Variants in MGAT4D observed in about 807,000 individuals in gnomAD.
The protein encoded by MGAT4D is MGAT4 family member D, also known as alpha-1,3-mannosyl-glycoprotein 4-beta-N-acetylglucosaminyltransferase-like protein MGAT4D.
MGAT4D carries 34 observed loss-of-function variants against 15.9 expected under a neutral mutation model. That is an observed-to-expected ratio of 2.14 (90% confidence interval 1.62 to 2.84). The LOEUF is 2.84. Among genes scored for constraint, MGAT4D ranks in the 30% most tolerant of loss-of-function variants. The pLI is 0.00. For missense variants in MGAT4D, 327 were observed against 140.2 expected (o/e 2.33, Z -6.73); for synonymous variants, 112 against 48.2 (o/e 2.33, Z -5.49).
In MGAT4D at chr4:140,474,912, T is replaced by C. The variant is rs1356548403; in HGVS notation, c.426A>G (p.Arg142=). ...TCTGTTTCAGGTAACTATAATTTCC[T>C]CTGTTAACAGTGGAAATACCCAGCG... ...SFALGISTVN[R]GNYSYLKQTL... is the part of the protein sequence containing the mutation. The change falls in exon 4 of 11, where the codon AGA becomes AGG. Residue 142 remains arginine (R), a synonymous_variant. Transcript: ENST00000511113. The C allele has an allele frequency of 1.4e-6, 1 of 697,938 alleles. No individual in the cohort carries two copies. The highest frequency in any genetic ancestry group is 1.5e-5 in the South Asian group (1 of 66,412). The allele number at this position is 697,938 out of a possible 1,614,324, so 43.2% of individuals were successfully genotyped here.
At chr4:140,493,012 T>C (rs1056978438) in intron 1 of MGAT4D, among the ~76,000 whole-genome samples, 1 of 152,208 alleles carries the variant, frequency 6.6e-6, no homozygotes, top group African/African-American at 2.4e-5. Flanking sequence ...CATCTTTAAG[T>C]GAATTGGGTA....
At chr4:140,462,814 T>C (rs898681861) in intron 6 of MGAT4D, 4 of 152,136 alleles carry the variant, frequency 2.6e-5, no homozygotes, top group Admixed American at 6.6e-5. Context: ...AGCAAAAAAA[T>C]GGCGGATAGG....
At chr4:140,464,414 G>T (rs1157708709) in intron 6 of MGAT4D, among the ~76,000 whole-genome samples, 3 of 151,860 alleles carry the variant, frequency 2.0e-5, no homozygotes, top group African/African-American at 7.3e-5. Flanking sequence ...TGCAATATAG[G>T]TGTCATTATA....
At chr4:140,458,475 C>T (rs770261469) in intron 8 of MGAT4D, 1 of 152,126 alleles carries the variant, frequency 6.6e-6, no homozygotes, top group Non-Finnish European at 1.5e-5. Flanking sequence ...TTGGATGTGA[C>T]TATAAGACAG....
At chr4:140,472,914 G>T (rs1276479151) in intron 4 of MGAT4D, among the ~76,000 whole-genome samples, 1 of 151,976 alleles carries the variant, frequency 6.6e-6, no homozygotes, top group Non-Finnish European at 1.5e-5. Flanking sequence ...TTTTCTAATA[G>T]TTCTTCTATT....
At chr4:140,451,627 A>G in intron 9 of MGAT4D, 110 bp from the exon 10 acceptor site, 1 of 390,442 alleles carries the variant, frequency 2.6e-6, no homozygotes, top group East Asian at 3.7e-5. Flanking sequence ...TTCTATTTTC[A>G]TATTTAAAAA....
At chr4:140,453,349 A>G (rs1730592032) in intron 9 of MGAT4D, among the ~76,000 whole-genome samples, 1 of 152,116 alleles carries the variant, frequency 6.6e-6, no homozygotes, top group Admixed American at 6.6e-5. Flanking sequence ...TTAGGGTAAC[A>G]TTCATACCTT....
At chr4:140,464,831 C>A in intron 6 of MGAT4D, 65 bp downstream of exon 6, 1 of 690,578 alleles carries the variant, frequency 1.4e-6, no homozygotes. Flanking sequence ...CTAATATGAG[C>A]TGATTCCAAG....
chr4:140,445,753 C>A (rs1294658620), intron 10 of MGAT4D, among the ~76,000 whole-genome samples: 1 of 152,184 alleles, frequency 6.6e-6, no homozygotes, highest in Non-Finnish European at 1.5e-5. Flanking sequence ...ACGCGGCCAG[C>A]CAGTTATCCC....
At chr4:140,459,649 A>T (rs1731036308) in intron 7 of MGAT4D, 23 bp from the exon 8 acceptor site, 1 of 427,918 alleles carries the variant, frequency 2.3e-6, no homozygotes, top group Non-Finnish European at 4.2e-6. Flanking sequence ...ACCCAAAAAG[A>T]CATTAATATC....
At chr4:140,484,657 C>G (rs1474514559) in intron 1 of MGAT4D, among the ~76,000 whole-genome samples, 1 of 152,102 alleles carries the variant, frequency 6.6e-6, no homozygotes, top group Non-Finnish European at 1.5e-5. Context: ...ACTCATCTGA[C>G]AAAGGGCTAA....
intron 1 of MGAT4D, among the ~76,000 whole-genome samples, chr4:140,488,413 C>A (rs898016562): frequency 6.6e-6 from 1 of 152,200 alleles, no homozygotes; most frequent in African/African-American, 2.4e-5. Flanking sequence ...GACAATCAGA[C>A]TGCAAGGAAT....
intron 3 of MGAT4D, among the ~76,000 whole-genome samples, chr4:140,478,118 G>C (rs1732459156): frequency 6.6e-6 from 1 of 152,100 alleles, no homozygotes; most frequent in Non-Finnish European, 1.5e-5. Context: ...CACCAAAAGG[G>C]CCTCAAAAGA....
chr4:140,470,552 T>C (rs1356002113), intron 5 of MGAT4D, among the ~76,000 whole-genome samples: 30 of 152,214 alleles, frequency 2.0e-4, no homozygotes, highest in Admixed American at 2.0e-3. Flanking sequence ...CTGCGTGATG[T>C]CAACAGCACC....
At chr4:140,452,351 C>G (rs1406038319) in intron 9 of MGAT4D, among the ~76,000 whole-genome samples, 3 of 151,972 alleles carry the variant, frequency 2.0e-5, no homozygotes, top group Admixed American at 6.6e-5. Context: ...CTACCCAGTA[C>G]TAATACATAG....
chr4:140,449,586 C>A (rs965438031), intron 10 of MGAT4D, among the ~76,000 whole-genome samples: 1 of 152,000 alleles, frequency 6.6e-6, no homozygotes, highest in African/African-American at 2.4e-5. Flanking sequence ...GGTGAAACCC[C>A]GTCTCTACTA....
At chr4:140,471,144 G>C (rs1731914766) in intron 5 of MGAT4D, among the ~76,000 whole-genome samples, 2 of 152,060 alleles carry the variant, frequency 1.3e-5, no homozygotes, top group South Asian at 4.2e-4. Flanking sequence ...CACCCACCTT[G>C]GCCTCTCAAA....
At chr4:140,444,761 C>T (rs548016037) in intron 10 of MGAT4D, among the ~76,000 whole-genome samples, 35 of 152,184 alleles carry the variant, frequency 2.3e-4, no homozygotes, top group Admixed American at 2.0e-3. Flanking sequence ...AATGATAGTT[C>T]TGTTTTTAGT....
intron 1 of MGAT4D, among the ~76,000 whole-genome samples, chr4:140,490,990 C>T (rs761357601): frequency 1.4e-4 from 22 of 152,192 alleles, no homozygotes; most frequent in African/African-American, 3.6e-4. Context: ...CATGAATCCT[C>T]GACTTAATAG....
Sources: gnomAD v4.1 joint callset for allele counts (sites outside exome capture counted in the v4.1 genomes callset) on GRCh38, gnomAD v4.1.1 for gene constraint, MANE v1.5 for transcripts, NCBI Gene and HGNC (gene_info 2026-07-23, HGNC 2026-07-21) for gene names.